The following KLHDC4 variants were observed in gnomAD, a reference collection of about 807,000 sequenced individuals.
The protein encoded by KLHDC4 is kelch domain-containing protein 4.
KLHDC4 carries 90 observed loss-of-function variants against 62.4 expected under a neutral mutation model. The observed-to-expected ratio is 1.44, with a 90% CI of 1.22 to 1.72. KLHDC4 has a LOEUF of 1.72. Among genes scored for constraint, KLHDC4 ranks in the 40% most tolerant of loss-of-function variants. KLHDC4 has a pLI of 0.00. For missense variants in KLHDC4, 1,025 were observed against 699.7 expected (o/e 1.47, Z -5.25); for synonymous variants, 386 against 284.4 (o/e 1.36, Z -3.59).
downstream of KLHDC4, among the ~76,000 whole-genome samples, chr16:87,706,638 G>C (rs962031228): frequency 6.6e-6 from 1 of 152,248 alleles, no homozygotes; most frequent in African/African-American, 2.4e-5. Context: ...AGCCTGAAGT[G>C]AGGTCACACC....
intron 8 of KLHDC4, among the ~76,000 whole-genome samples, chr16:87,712,446 G>A (rs978264154): frequency 3.3e-5 from 5 of 152,356 alleles, no homozygotes; most frequent in African/African-American, 9.6e-5. Context: ...CACAGGGCAG[G>A]ACCCTCTCCG....
Position 87,748,712 on chromosome 16 carries a change from C to T in KLHDC4, c.467G>A (p.Trp156Ter), listed in dbSNP as rs756552550. The T allele has an allele frequency of 3.1e-6, 5 of 1,613,518 alleles. No homozygotes were observed. Among genetic ancestry groups the T allele is most frequent in the African/African-American group, 2.7e-5 (2 of 74,718 alleles). Residue 156 changes from tryptophan to a stop codon, truncating the protein, a stop_gained, in exon 5 of 12, where the codon TGG (tryptophan) becomes TAG (stop). Transcript: ENST00000270583. LOFTEE classifies it high-confidence loss of function. The stretch of plus-strand genomic sequence containing the variant: ...GGTCTTGGTGGCCAAATGCAGGACC[C>T]AGAGATCCTTGTAGTGGTAGAACTG... ...GEQFYHYKDLWVLHLATKTWE... is the reference protein window; with the variant it reads ...GEQFYHYKDL
intron 6 of KLHDC4, among the ~76,000 whole-genome samples, chr16:87,729,959 TTATTTA>T (rs1467964892): frequency 6.6e-6 from 1 of 152,148 alleles, no homozygotes; most frequent in African/African-American, 2.4e-5. Context: ...ATTTTTTTAT[TTATTTA>T]TTTTTTCAAA....
intron 1 of KLHDC4, among the ~76,000 whole-genome samples, chr16:87,764,093 C>T (rs2046262374): frequency 6.6e-6 from 1 of 152,150 alleles, no homozygotes; most frequent in African/African-American, 2.4e-5. Context: ...AATCCTTCCC[C>T]CAATAATTGC....
chr16:87,701,074 A>G lies in KLHDC4; in HGVS notation c.*565T>C, dbSNP rs1209673544. 21 of 187,562 alleles carry G rather than the reference A, an allele frequency of 1.1e-4. 1 individual carries two copies. Among genetic ancestry groups the G allele is most frequent in the Non-Finnish European group, 6.7e-5 (6 of 89,616 alleles). 11.6% of individuals were successfully genotyped at this position (187,562 alleles called of 1,614,324 possible). ...GGAAGAGTGCAGCTGCATTTGTTGA[A>G]AAAAAGCCAGGCTGTATTTTCACCA... On this transcript the variant is annotated 3_prime_UTR_variant, in exon 1 of 1. Coordinates refer to the KLHDC4 transcript ENST00000446344.
At chr16:87,735,374 G>A (rs1476254051) in intron 5 of KLHDC4, among the ~76,000 whole-genome samples, 4 of 151,996 alleles carry the variant, frequency 2.6e-5, no homozygotes, top group Non-Finnish European at 5.9e-5. Context: ...AATGACAGAG[G>A]AGAACCGAGC....
intron 7 of KLHDC4, among the ~76,000 whole-genome samples, chr16:87,718,156 A>C (rs2037373450): frequency 6.6e-6 from 1 of 152,184 alleles, no homozygotes; most frequent in African/African-American, 2.4e-5. Context: ...GTCTGTCTTC[A>C]AAGAAAGTAA....
exon 1 of KLHDC4, chr16:87,700,767 T>C (rs1413138616): frequency 1.4e-5 from 2 of 140,264 alleles, no homozygotes; most frequent in Non-Finnish European, 2.6e-5. Flanking sequence ...AGGGAGGAGA[T>C]TGGAGGGCGG....
chr16:87,727,985 A>G (rs9308355), intron 6 of KLHDC4, among the ~76,000 whole-genome samples: 32,087 of 152,116 alleles, frequency 0.21, 4,129 homozygotes, highest in Middle Eastern at 0.34. Flanking sequence ...GAGGAGTTCA[A>G]AAACAGCCTG....
intron 2 of KLHDC4, among the ~76,000 whole-genome samples, chr16:87,761,701 A>T (rs1231648944): frequency 6.6e-6 from 1 of 152,186 alleles, no homozygotes; most frequent in Non-Finnish European, 1.5e-5. Flanking sequence ...CGACCAGTGG[A>T]GGAGCTTTCA....
intron 7 of KLHDC4, among the ~76,000 whole-genome samples, chr16:87,723,961 C>T (rs1413840970): frequency 6.6e-6 from 1 of 152,140 alleles, no homozygotes; most frequent in Admixed American, 6.5e-5. Flanking sequence ...CTCAGCCTCC[C>T]GAGTAGCTGG....
At chr16:87,757,565 G>A (rs1597390265) in intron 2 of KLHDC4, 1 of 151,304 alleles carries the variant, frequency 6.6e-6, no homozygotes, top group Non-Finnish European at 1.5e-5. Flanking sequence ...TTTCACATGA[G>A]AACAAAAGAA....
chr16:87,750,865 G>C (rs1459636025), intron 4 of KLHDC4: 1 of 152,286 alleles, frequency 6.6e-6, no homozygotes, highest in Admixed American at 6.5e-5. Context: ...TCTCAGCACA[G>C]AGGACTTACC....
chr16:87,729,852 G>C (rs1343218624), intron 6 of KLHDC4, among the ~76,000 whole-genome samples: 2 of 152,150 alleles, frequency 1.3e-5, no homozygotes, highest in Non-Finnish European at 1.5e-5. Context: ...CAGATTCCTG[G>C]GCCTCACTCC....
intron 1 of KLHDC4, among the ~76,000 whole-genome samples, chr16:87,762,640 G>C (rs567271723): frequency 1.3e-5 from 2 of 152,330 alleles, no homozygotes; most frequent in South Asian, 2.1e-4. Flanking sequence ...TGCACAGCAA[G>C]AGCTCAGCAA....
At chr16:87,706,891 G>A (rs902896644), downstream of KLHDC4, among the ~76,000 whole-genome samples, 1 of 152,210 alleles carries the variant, frequency 6.6e-6, no homozygotes, top group Non-Finnish European at 1.5e-5. Context: ...TGCTCACAGG[G>A]GCTCGCCACC....
At chr16:87,752,120 C>CAAAAAAAAAAA (rs2044089085) in intron 4 of KLHDC4, among the ~76,000 whole-genome samples, 2 of 72,238 alleles carry the variant, frequency 2.8e-5, no homozygotes, top group African/African-American at 1.1e-4. Context: ...AAAAAGAAGC[C>CAAAAAAAAAAA]AAATGGCCAG....
chr16:87,710,287 C>G (rs1462514676), intron 9 of KLHDC4: 2 of 152,386 alleles, frequency 1.3e-5, no homozygotes, highest in East Asian at 1.9e-4. Context: ...CTGTCACAGC[C>G]TTTGTCATTT....
chr16:87,728,180 G>C (rs1215949266), intron 6 of KLHDC4, among the ~76,000 whole-genome samples: 1 of 152,130 alleles, frequency 6.6e-6, no homozygotes, highest in Non-Finnish European at 1.5e-5. Flanking sequence ...GTGAGAATCT[G>C]TCTCAAAAAA....
Sources: gnomAD v4.1 joint callset for allele counts (sites outside exome capture counted in the v4.1 genomes callset) on GRCh38, gnomAD v4.1.1 for gene constraint, MANE v1.5 for transcripts, NCBI Gene and HGNC (gene_info 2026-07-23, HGNC 2026-07-21) for gene names.